The following FKBP14 variants were observed in gnomAD, a reference collection of about 807,000 sequenced individuals.
The protein encoded by FKBP14 is FKBP prolyl isomerase 14, also known as peptidyl-prolyl cis-trans isomerase FKBP14.
A neutral mutation model predicts 21.6 loss-of-function variants in FKBP14; 20 were observed. The observed-to-expected ratio is 0.92, with a 90% confidence interval of 0.65 to 1.34. The LOEUF (loss-of-function observed/expected upper bound fraction) is 1.34, where lower values mean the gene tolerates loss of function less well. FKBP14 is among the 40% of genes most tolerant of loss of function. The probability of loss-of-function intolerance (pLI) is 0.00; values close to 1 mark genes in which losing one functional copy is unlikely to be tolerated. For missense variants in FKBP14, 253 were observed against 249.0 expected (o/e 1.02, Z -0.11); for synonymous variants, 79 against 86.7 (o/e 0.91, Z 0.49).
intron 1 of FKBP14, among the ~76,000 whole-genome samples, chr7:30,023,240 CT>C (rs1381334315): frequency 6.6e-6 from 1 of 152,158 alleles, no homozygotes; most frequent in African/African-American, 2.4e-5. Context: ...AGTTCAAGGT[CT>C]TAATCACAAA....
At chr7:30,018,909 A>G (rs966216308) in intron 3 of FKBP14, 87 bp downstream of exon 3, 7 of 1,402,090 alleles carry the variant, frequency 5.0e-6, no homozygotes, top group Non-Finnish European at 6.8e-6. Context: ...ATATTCATTT[A>G]AAAAGTGAGT....
chr7:30,010,083 T>C (rs1203624685), downstream of FKBP14, among the ~76,000 whole-genome samples: 1 of 152,186 alleles, frequency 6.6e-6, no homozygotes, highest in Non-Finnish European at 1.5e-5. Context: ...CAAATTCATT[T>C]CCATAAGGAA....
intron 3 of FKBP14, among the ~76,000 whole-genome samples, chr7:30,016,463 G>A (rs764844758): frequency 5.9e-5 from 9 of 151,406 alleles, no homozygotes; most frequent in Non-Finnish European, 1.3e-4. Flanking sequence ...GCACGATCTC[G>A]GCCCACTACA....
chr7:30,020,264 G>A, intron 2 of FKBP14: 1 of 1,273,278 alleles, frequency 7.9e-7, no homozygotes, highest in South Asian at 1.3e-5. Flanking sequence ...TGATAAAACT[G>A]GTATCTTTCC....
At chr7:30,009,565 AATATATTTTCCC>A (rs1789676816), downstream of FKBP14, among the ~76,000 whole-genome samples, 1 of 152,100 alleles carries the variant, frequency 6.6e-6, no homozygotes, top group South Asian at 2.1e-4. Context: ...AAGGTAAGAG[AATATATTTTCCC>A]ATAACATGCC....
intron 3 of FKBP14, among the ~76,000 whole-genome samples, chr7:30,018,071 CTG>C (rs1420979321): frequency 2.2e-4 from 33 of 151,854 alleles, no homozygotes; most frequent in African/African-American, 7.0e-4. Context: ...AACCATGTGA[CTG>C]TGTTATATAT....
chr7:30,018,006 TAAA>T (rs1789937507), intron 3 of FKBP14, among the ~76,000 whole-genome samples: 2 of 31,058 alleles, frequency 6.4e-5, no homozygotes, highest in African/African-American at 1.7e-4. Flanking sequence ...AGGAAATAAA[TAAA>T]TAAATAAATA....
intron 2 of FKBP14, chr7:30,020,263 TG>T: frequency 7.8e-7 from 1 of 1,275,626 alleles, no homozygotes; most frequent in Non-Finnish European, 1.0e-6. Flanking sequence ...TTGATAAAAC[TG>T]GTATCTTTCC....
downstream of FKBP14, chr7:30,008,398 T>A (rs1789650354): frequency 6.7e-6 from 1 of 150,170 alleles, no homozygotes; most frequent in Non-Finnish European, 1.5e-5. Flanking sequence ...ATTGATTTCA[T>A]TGTACTAAAG....
chr7:30,009,840 A>AG (rs1226543113), downstream of FKBP14, among the ~76,000 whole-genome samples: 3 of 151,668 alleles, frequency 2.0e-5, no homozygotes, highest in African/African-American at 7.3e-5. Context: ...AAAAAAAAAA[A>AG]AAAAAAAAAT....
rs2127946652 is a variant in FKBP14 at position 30,014,844 on chromosome 7, T to C, written c.527A>G (p.Asn176Ser). The change falls in exon 4 of 4, where the codon AAT becomes AGT. Residue 176 changes from asparagine (N) to serine (S), a missense_variant. Transcript: ENST00000222803. Reference protein sequence around the residue: ...KEFEKHGAVVNESHHDALVED... With the variant: ...KEFEKHGAVVSESHHDALVED... ...CACCAAAGCATCATGATGACTTTCA[T>C]TCACCACCGCACCATGTTTTTCAAA... 1 of 1,611,464 alleles carries C rather than the reference T, an allele frequency of 6.2e-7. No individual in the cohort carries two copies. Among genetic ancestry groups the C allele is most frequent in the Non-Finnish European group, 8.5e-7 (1 of 1,179,282 alleles).
Position 30,014,613 on chromosome 7 carries a change from G to GA in FKBP14, c.*121dup, listed in dbSNP as rs1289962742. ...TAAGGGGTTCTTTAAATAGGAGTCA[G>GA]AAAAAATATATAAAAATAAAAAACA... is the stretch of plus-strand genomic sequence containing the variant. On this transcript the variant is annotated 3_prime_UTR_variant, in exon 4 of 4. Transcript: ENST00000222803. The GA allele has an allele frequency of 7.4e-6, 5 of 679,024 alleles. No individual in the cohort carries two copies. The highest frequency in any genetic ancestry group is 3.7e-5 in the African/African-American group (2 of 53,612). The allele number at this position is 679,024 out of a possible 1,614,324, so 42.1% of individuals were successfully genotyped here.
chr7:30,015,653 TCTCA>T (rs1439556327), intron 3 of FKBP14, among the ~76,000 whole-genome samples: 1 of 144,280 alleles, frequency 6.9e-6, no homozygotes, highest in Non-Finnish European at 1.5e-5. Context: ...TGAGACGGAG[TCTCA>T]CTCTGTTGCC....
In FKBP14 at chr7:30,023,926, G is replaced by A. The variant is rs551664373; in HGVS notation, c.198-1110C>T. Among the ~76,000 whole-genome samples the A allele has an allele frequency of 1.4e-3, 215 of 152,284 alleles. 1 individual carries two copies. Among genetic ancestry groups the A allele is most frequent in the African/African-American group, 5.0e-3 (209 of 41,556 alleles). ...AGCTACAATTTAAGATGAGAATTGG[G>A]TGGGGCCATAGCGGAACCCTATCAA... On this transcript the variant is annotated intron_variant, in intron 1 of 3. Transcript: ENST00000222803.
chr7:30,016,899 G>GA (rs759433912), intron 3 of FKBP14, among the ~76,000 whole-genome samples: 35 of 151,934 alleles, frequency 2.3e-4, no homozygotes, highest in Non-Finnish European at 4.6e-4. Context: ...AAGTTAAAGT[G>GA]ATTTAATGCA....
chr7:30,015,444 AT>A (rs1401341135), intron 3 of FKBP14, among the ~76,000 whole-genome samples: 18 of 107,522 alleles, frequency 1.7e-4, no homozygotes, highest in South Asian at 5.5e-4. Flanking sequence ...AAAATTAAAA[AT>A]ATATATATAT....
At chr7:30,021,786 C>G (rs1414440014) in intron 2 of FKBP14, among the ~76,000 whole-genome samples, 1 of 152,180 alleles carries the variant, frequency 6.6e-6, no homozygotes, top group African/African-American at 2.4e-5. Flanking sequence ...AACTCCTGAC[C>G]TCAAGTGATC....
chr7:30,010,087 T>A (rs1457808569), downstream of FKBP14, among the ~76,000 whole-genome samples: 2 of 152,184 alleles, frequency 1.3e-5, no homozygotes, highest in African/African-American at 4.8e-5. Flanking sequence ...TTCATTTCCA[T>A]AAGGAAAGAT....
rs773656316 is a variant in FKBP14 at position 30,014,701 on chromosome 7, A to C, written c.*34T>G. 1.7e-5 allele frequency: 22 copies of C among 1,332,360 alleles called. No homozygotes were observed. Among genetic ancestry groups the C allele is most frequent in the African/African-American group, 4.5e-5 (3 of 66,918 alleles). 82.5% of individuals were successfully genotyped at this position (1,332,360 alleles called of 1,614,324 possible). ...TTAAAGATGACTGCCCTCTCTTGAA[A>C]GATGAGTGCTATATTAAAAGGGTAG... is the stretch of plus-strand genomic sequence containing the variant. On this transcript the variant is annotated 3_prime_UTR_variant, in exon 4 of 4. Coordinates refer to ENST00000222803, the MANE Select transcript of FKBP14 (RefSeq NM_017946.4).
Sources: gnomAD v4.1 joint callset for allele counts (sites outside exome capture counted in the v4.1 genomes callset) on GRCh38, gnomAD v4.1.1 for gene constraint, MANE v1.5 for transcripts, NCBI Gene and HGNC (gene_info 2026-07-23, HGNC 2026-07-21) for gene names.